HEG1: variants seen among roughly 807,000 people sequenced by gnomAD.
The protein encoded by HEG1 is protein HEG homolog 1.
In HEG1, 56 loss-of-function variants were observed where a neutral mutation model predicts 125.6. The observed-to-expected ratio is 0.45, with a 90% CI of 0.36 to 0.56. The LOEUF (loss-of-function observed/expected upper bound fraction) is 0.56. Among genes scored for constraint, HEG1 ranks in the 20% least tolerant of loss-of-function variants. The pLI, the probability that HEG1 is intolerant of heterozygous loss-of-function variation, is 0.00. For synonymous variants in HEG1, 644 were observed against 668.5 expected, an observed-to-expected ratio of 0.96 and a Z score of 0.57; for missense variants, 1,523 against 1,670.0, an observed-to-expected ratio of 0.91 and a Z score of 1.53.
At chr3:125,001,763 TG>T in intron 11 of HEG1, 88 bp downstream of exon 11, 1 of 1,437,632 alleles carries the variant, frequency 7.0e-7, no homozygotes, top group Non-Finnish European at 9.4e-7. Context: ...GGGCCTTTCC[TG>T]GGCCTGAGCC....
rs764270068 is a variant in HEG1 at position 125,019,543 on chromosome 3, A to G, written c.1307T>C (p.Met436Thr). The G allele has an allele frequency of 6.2e-6, 10 of 1,612,106 alleles. No individual in the cohort carries two copies. The highest frequency in any genetic ancestry group is 2.7e-5 in the African/African-American group (2 of 74,894). Residue 436 changes from methionine (M) to threonine (T), a missense_variant, in exon 5 of 17, where the codon ATG becomes ACG. Coordinates refer to ENST00000311127, the MANE Select transcript of HEG1 (RefSeq NM_020733.2). ...SSSEVQNGSP[M>T]SQTETVSRSV... ...CCTAGACACAGTCTCAGTCTGAGAC[A>G]TGGGACTTCCATTTTGCACCTCAGA...
chr3:125,054,263 G>A (rs1937878146), intron 1 of HEG1, among the ~76,000 whole-genome samples: 1 of 152,332 alleles, frequency 6.6e-6, no homozygotes, highest in Non-Finnish European at 1.5e-5. Flanking sequence ...TCTCCTACAC[G>A]TCTTCAGAAG....
In HEG1 at chr3:125,013,628, T is replaced by C. The variant is rs761851722; in HGVS notation, c.1951A>G (p.Thr651Ala). Residue 651 changes from threonine (T) to alanine (A), a missense_variant, in exon 6 of 17, where the codon ACT becomes GCT. Physicochemically the swap from Thr to Ala is moderately conservative, Grantham distance 58. Coordinates refer to ENST00000311127, the MANE Select transcript of HEG1 (RefSeq NM_020733.2). ...NMPNTSVVLDTDAEFVSDSSS... is the reference protein window; with the variant it reads ...NMPNTSVVLDADAEFVSDSSS... ...GAGTCACTAACAAACTCAGCATCAGTGTCCAGAACAACCGAAGTGTTCGGC... is the reference window on the plus strand; with the variant it reads ...GAGTCACTAACAAACTCAGCATCAGCGTCCAGAACAACCGAAGTGTTCGGC... 2 of 1,608,810 alleles carry C rather than the reference T, an allele frequency of 1.2e-6. No homozygotes were observed. The highest frequency in any genetic ancestry group is 1.3e-5 in the African/African-American group (1 of 74,658).
chr3:125,038,664 G>A (rs1047510707), intron 1 of HEG1, among the ~76,000 whole-genome samples: 3 of 152,194 alleles, frequency 2.0e-5, no homozygotes, highest in Non-Finnish European at 4.4e-5. Context: ...GGCCACTGTG[G>A]ATGAATTCTG....
chr3:125,052,289 C>A (rs372615628), intron 1 of HEG1, among the ~76,000 whole-genome samples: 1 of 152,140 alleles, frequency 6.6e-6, no homozygotes, highest in Admixed American at 6.5e-5. Context: ...GTCTCTTGCC[C>A]GCTGCACCTT....
At chr3:125,055,099 A>G (rs936309313) in intron 1 of HEG1, among the ~76,000 whole-genome samples, 3 of 152,126 alleles carry the variant, frequency 2.0e-5, no homozygotes, top group African/African-American at 7.2e-5. Context: ...TTTTGTTTCA[A>G]ACTACGTACA....
chr3:125,003,042 T>A (rs1937021889), intron 9 of HEG1, among the ~76,000 whole-genome samples: 1 of 152,346 alleles, frequency 6.6e-6, no homozygotes, highest in South Asian at 2.1e-4. Flanking sequence ...TACATGCCAC[T>A]CTGCAGAAGA....
At chr3:124,990,723 C>A in intron 14 of HEG1, 64 bp downstream of exon 14, 1 of 1,454,224 alleles carries the variant, frequency 6.9e-7, no homozygotes, top group Admixed American at 2.0e-5. Context: ...GAGACTGACA[C>A]CTGTGCACTA....
chr3:125,055,579 G>T lies in HEG1; in HGVS notation c.312C>A (p.Ser104Arg), dbSNP rs1439541449. ...AGGTTCCCGGCTCTCACTCACCCGC[G>T]CTCCCGCCTCTGGGGGCCCGGCCGG... ...GPSGRAPRGG[S>R]ADAAWKHWPE... Residue 104 changes from serine (S) to arginine (R), a missense_variant, in exon 1 of 17, where the codon AGC (serine) becomes AGA (arginine). Coordinates refer to ENST00000311127, the MANE Select transcript of HEG1 (RefSeq NM_020733.2). 17 of 1,204,562 alleles carry T rather than the reference G, an allele frequency of 1.4e-5. No homozygotes were observed. Among genetic ancestry groups the T allele is most frequent in the Non-Finnish European group, 1.8e-5 (17 of 970,104 alleles). 74.6% of individuals were successfully genotyped at this position (1,204,562 alleles called of 1,614,324 possible).
At position 125,013,221 on chromosome 3, in the gene HEG1, T is replaced by C. The variant is rs553923134; in HGVS notation, c.2358A>G (p.Gln786=). ...ACTTTGATTCTGTAATGACTTTCTC[T>C]TGGTGTGGGGTGCTCTGGCTCTTAA... The part of the protein sequence containing the change: ...ADLKSQSTPH[Q]EKVITESKSP... Residue 786 remains glutamine, a synonymous_variant, in exon 6 of 17, where the codon CAA becomes CAG. Transcript: ENST00000311127. 7.6e-5 allele frequency: 122 copies of C among 1,613,970 alleles called. No individual in the cohort carries two copies. The South Asian group carries it at 8.8e-4, about 12-fold the overall frequency.
At chr3:125,025,235 T>C (rs1431074131) in intron 3 of HEG1, among the ~76,000 whole-genome samples, 1 of 152,252 alleles carries the variant, frequency 6.6e-6, no homozygotes, top group Non-Finnish European at 1.5e-5. Flanking sequence ...TTGTTTCCCA[T>C]GTAACTTCAG....
chr3:124,997,443 AG>A (rs1936938406), intron 12 of HEG1, among the ~76,000 whole-genome samples: 2 of 152,362 alleles, frequency 1.3e-5, no homozygotes, highest in South Asian at 4.1e-4. Flanking sequence ...CTGCTACCAC[AG>A]GCATTCCATT....
chr3:124,985,735 G>C (rs1008368247), intron 14 of HEG1, among the ~76,000 whole-genome samples: 12 of 152,216 alleles, frequency 7.9e-5, no homozygotes, highest in Non-Finnish European at 1.5e-4. Flanking sequence ...GCTCCAGCAG[G>C]GGGTGAAGAT....
chr3:124,981,907 T>TAC (rs1445014978), intron 14 of HEG1, among the ~76,000 whole-genome samples: 1 of 139,958 alleles, frequency 7.1e-6, no homozygotes, highest in Non-Finnish European at 1.5e-5. Flanking sequence ...TATATACACA[T>TAC]ACATATTTTT....
chr3:125,000,400 T>C (rs1001216158), intron 11 of HEG1, among the ~76,000 whole-genome samples: 2 of 152,208 alleles, frequency 1.3e-5, no homozygotes, highest in African/African-American at 4.8e-5. Flanking sequence ...ACATAGAATG[T>C]ATTCCATAAA....
At chr3:124,998,029 G>A (rs1478058488) in intron 11 of HEG1, among the ~76,000 whole-genome samples, 5 of 152,142 alleles carry the variant, frequency 3.3e-5, no homozygotes, top group East Asian at 1.9e-4. Flanking sequence ...CTGATCAGCC[G>A]CAGGCTGTGC....
At position 125,020,953 on chromosome 3, in the gene HEG1, C is replaced by A; in HGVS notation, c.1091G>T (p.Arg364Ile). ...SKTEGFPKDS[R>I]IATTSSSVLL... ...GACTGAGGATGAAGTCGTGGCAATT[C>A]TGGAGTCCTTGGGGAAGCCTTCTGT... Residue 364 changes from arginine to isoleucine, a missense_variant, in exon 4 of 17, where the codon AGA (arginine) becomes ATA (isoleucine). Physicochemically the swap from Arg to Ile is moderately conservative, Grantham distance 97. Transcript: ENST00000311127. The A allele has an allele frequency of 6.2e-7, 1 of 1,613,992 alleles. No individual in the cohort carries two copies. Among genetic ancestry groups the A allele is most frequent in the Non-Finnish European group, 8.5e-7 (1 of 1,179,890 alleles).
chr3:125,045,967 TCA>T (rs935305539), intron 1 of HEG1, among the ~76,000 whole-genome samples: 2 of 152,220 alleles, frequency 1.3e-5, no homozygotes, highest in African/African-American at 4.8e-5. Flanking sequence ...ACAAGTGCTT[TCA>T]CAGTCATAAT....
chr3:124,996,225 C>T (rs1023673514), intron 12 of HEG1, among the ~76,000 whole-genome samples: 10 of 152,058 alleles, frequency 6.6e-5, no homozygotes, highest in Admixed American at 6.6e-4. Flanking sequence ...GCTGGGATTA[C>T]AGGCATGCGT....
Sources: gnomAD v4.1 joint callset for allele counts (sites outside exome capture counted in the v4.1 genomes callset) on GRCh38, gnomAD v4.1.1 for gene constraint, MANE v1.5 for transcripts, NCBI Gene and HGNC (gene_info 2026-07-23, HGNC 2026-07-21) for gene names.